CDCP1: variants seen among roughly 807,000 people sequenced by gnomAD.
CDCP1 encodes the protein CUB domain containing protein 1.
In CDCP1, 29 loss-of-function variants were observed where a neutral mutation model predicts 60.2. The observed-to-expected ratio is 0.48, with a 90% CI of 0.36 to 0.66. The LOEUF (loss-of-function observed/expected upper bound fraction) is 0.66, where lower values mean the gene tolerates loss of function less well. CDCP1 is among the 30% of genes least tolerant of loss of function. The pLI, the probability that CDCP1 is intolerant of heterozygous loss-of-function variation, is 0.00. For missense variants in CDCP1, 876 were observed against 1,074.3 expected (o/e 0.82, Z 2.58); for synonymous variants, 387 against 431.1 (o/e 0.90, Z 1.27).
intron 1 of CDCP1, among the ~76,000 whole-genome samples, chr3:45,137,943 G>T (rs4683057): frequency 0.99 from 150,815 of 152,284 alleles, 74,690 homozygotes; most frequent in Middle Eastern, 1. Flanking sequence ...TCTCAGCAGG[G>T]ATTAAAGGCC....
At chr3:45,142,647 T>C (rs1699310603) in intron 1 of CDCP1, among the ~76,000 whole-genome samples, 1 of 151,966 alleles carries the variant, frequency 6.6e-6, no homozygotes, top group Non-Finnish European at 1.5e-5. Flanking sequence ...CCTAAGAACC[T>C]CTCTACTCTT....
At chr3:45,098,621 C>A (rs1698440637) in intron 4 of CDCP1, among the ~76,000 whole-genome samples, 3 of 151,388 alleles carry the variant, frequency 2.0e-5, no homozygotes, top group Non-Finnish European at 4.4e-5. Flanking sequence ...CACAACACAG[C>A]ACAGACTAGC....
intron 7 of CDCP1, among the ~76,000 whole-genome samples, chr3:45,090,776 G>T (rs1162589319): frequency 6.6e-6 from 1 of 152,206 alleles, no homozygotes; most frequent in Non-Finnish European, 1.5e-5. Flanking sequence ...AACAGCCCAG[G>T]CTGGAGAACA....
chr3:45,088,907 A>T, intron 8 of CDCP1, 147 bp downstream of exon 8: 1 of 696,294 alleles, frequency 1.4e-6, no homozygotes, highest in South Asian at 1.8e-5. Context: ...TGAAAGCATG[A>T]CTCACACCTG....
At chr3:45,086,581 G>T (rs900540883) in intron 8 of CDCP1, among the ~76,000 whole-genome samples, 1 of 152,214 alleles carries the variant, frequency 6.6e-6, no homozygotes, top group Non-Finnish European at 1.5e-5. Flanking sequence ...GACTCAGGAG[G>T]CCAGGTTGTA....
intron 1 of CDCP1, chr3:45,139,732 GCAGACTCCAGCAGAGCACAGAGTTC>G (rs1699252200): frequency 6.6e-6 from 1 of 152,302 alleles, no homozygotes; most frequent in Admixed American, 6.5e-5. Flanking sequence ...GTGTCCCTGG[GCAGACTCCAGCAGAGCACAGAGTTC>G]CAGTATGAGC....
rs1157977301 is a variant in CDCP1, at chr3:45,093,517, G to A, written c.1387C>T (p.Pro463Ser). 6.2e-7 allele frequency: 1 copy of A among 1,614,006 alleles called. No individual in the cohort carries two copies. The highest frequency in any genetic ancestry group is 1.3e-5 in the African/African-American group (1 of 74,946). The change falls in exon 6 of 9, where the codon CCA (proline) becomes TCA (serine). Residue 463 changes from proline (P) to serine (S), a missense_variant. Physicochemically the swap from Pro to Ser is moderately conservative, Grantham distance 74. Coordinates refer to ENST00000296129, the MANE Select transcript of CDCP1 (RefSeq NM_022842.5). ...GTATGCTGCTGCAGCTTCTGGGCTGGCACCAGCACCAGGCTGAGCCTGTCC... is the reference window on the plus strand; with the variant it reads ...GTATGCTGCTGCAGCTTCTGGGCTGACACCAGCACCAGGCTGAGCCTGTCC... ...PKDRLSLVLV[P>S]AQKLQQHTHE...
intron 1 of CDCP1, among the ~76,000 whole-genome samples, chr3:45,143,820 T>A (rs1395884969): frequency 6.6e-6 from 1 of 151,906 alleles, no homozygotes. Context: ...GTCATGCAAA[T>A]CTGTGGGGAT....
At chr3:45,134,417 C>A (rs1243695512) in intron 1 of CDCP1, among the ~76,000 whole-genome samples, 1 of 152,232 alleles carries the variant, frequency 6.6e-6, no homozygotes, top group South Asian at 2.1e-4. Context: ...GGCCACCGCG[C>A]CCGGCCCAGA....
upstream of CDCP1, chr3:45,146,380 G>C (rs898629955): frequency 1.3e-4 from 146 of 1,149,090 alleles, no homozygotes; most frequent in Non-Finnish European, 3.2e-5. Flanking sequence ...CTCCGCCCTG[G>C]CTCACTCACC....
rs1232639375 is a variant in CDCP1, at chr3:45,099,931, C to G, written c.1025-4363G>C. On this transcript the variant is annotated intron_variant, in intron 4 of 8. Coordinates refer to ENST00000296129, the MANE Select transcript of CDCP1 (RefSeq NM_022842.5). ...TTTTAGTTTTTTCTCCCTCTATAGT[C>G]TCTGTTTCCTGCAAGTGGCTTTTCT... 4.6e-5 allele frequency among the ~76,000 whole-genome samples: 7 copies of G among 152,238 alleles called. No homozygotes were observed. In the East Asian group the frequency reaches 1.3e-3, roughly 29 times the overall value.
In CDCP1 at chr3:45,112,097, C is replaced by G; in HGVS notation, c.641G>C (p.Arg214Pro). The change falls in exon 3 of 9, where the codon CGC becomes CCC. Residue 214 changes from arginine (R) to proline (P), a missense_variant. By Grantham distance (103) the Arg-to-Pro change is moderately radical. Transcript: ENST00000296129. ...RNVSGFSIAN[R>P]SSIKRLCIIE... ...GGCTTTCTCACGTTTTATAGATGAG[C>G]GGTTTGCAATGCTGAAGCCGGAGAC... The G allele has an allele frequency of 6.2e-7, 1 of 1,613,364 alleles. No individual in the cohort carries two copies. Among genetic ancestry groups the G allele is most frequent in the South Asian group, 1.1e-5 (1 of 91,058 alleles).
intron 1 of CDCP1, among the ~76,000 whole-genome samples, chr3:45,120,722 A>C (rs1698867713): frequency 6.6e-6 from 1 of 152,160 alleles, no homozygotes; most frequent in Admixed American, 6.5e-5. Flanking sequence ...CACTGTGTTC[A>C]GGCCAGTCTT....
intron 5 of CDCP1, 86 bp downstream of exon 5, chr3:45,095,261 A>G: frequency 8.1e-7 from 1 of 1,241,710 alleles, no homozygotes; most frequent in Admixed American, 1.9e-5. Flanking sequence ...ATGATTTACA[A>G]CCTACCCAGG....
chr3:45,092,459 C>T (rs1460963089), intron 6 of CDCP1, among the ~76,000 whole-genome samples: 1 of 152,166 alleles, frequency 6.6e-6, no homozygotes, highest in African/African-American at 2.4e-5. Context: ...AAAACCCACA[C>T]ATTCCACACT....
At chr3:45,145,764 G>A (rs1699372626) in intron 1 of CDCP1, among the ~76,000 whole-genome samples, 1 of 152,166 alleles carries the variant, frequency 6.6e-6, no homozygotes, top group Non-Finnish European at 1.5e-5. Flanking sequence ...GGTAGAGGGC[G>A]AGCCTGGAGA....
At chr3:45,122,857 A>G (rs188247448) in intron 1 of CDCP1, among the ~76,000 whole-genome samples, 1 of 152,308 alleles carries the variant, frequency 6.6e-6, no homozygotes, top group African/African-American at 2.4e-5. Context: ...CAAATGACTT[A>G]ATGATAAAAA....
chr3:45,121,036 C>T (rs891435869), intron 1 of CDCP1, among the ~76,000 whole-genome samples: 4 of 152,124 alleles, frequency 2.6e-5, no homozygotes, highest in Admixed American at 6.5e-5. Flanking sequence ...CTGATCCCCA[C>T]GAGGAGACAA....
intron 1 of CDCP1, among the ~76,000 whole-genome samples, chr3:45,119,240 A>C (rs537120321): frequency 6.6e-6 from 1 of 152,324 alleles, no homozygotes; most frequent in South Asian, 2.1e-4. Context: ...GTTTAGAAAA[A>C]ACACCTGAGC....
Sources: allele counts gnomAD v4.1 joint callset (sites outside exome capture counted in the v4.1 genomes callset), GRCh38; gene constraint gnomAD v4.1.1; transcripts MANE v1.5; gene names NCBI Gene and HGNC (gene_info 2026-07-23, HGNC 2026-07-21).